C12orf42: variants seen among roughly 807,000 people sequenced by gnomAD.
C12orf42 encodes the protein chromosome 12 open reading frame 42, also known as uncharacterized protein C12orf42.
Under a neutral mutation model 21.6 loss-of-function variants are expected in C12orf42, and 25 were observed. The observed-to-expected ratio is 1.16, with a 90% CI of 0.84 to 1.62. The LOEUF (loss-of-function observed/expected upper bound fraction) is 1.62. Among genes scored for constraint, C12orf42 ranks in the 40% most tolerant of loss-of-function variants. The probability of loss-of-function intolerance (pLI) is 0.00; values close to 1 mark genes in which losing one functional copy is unlikely to be tolerated. For synonymous variants in C12orf42, 174 were observed against 175.0 expected, an observed-to-expected ratio of 0.99 and a Z score of 0.05; for missense variants, 483 against 459.3, an observed-to-expected ratio of 1.05 and a Z score of -0.47.
At chr12:103,333,138 C>T (rs2041391062) in intron 4 of C12orf42, among the ~76,000 whole-genome samples, 1 of 152,192 alleles carries the variant, frequency 6.6e-6, no homozygotes, top group South Asian at 2.1e-4. Flanking sequence ...ACCACAACCT[C>T]TAATGTTGCC....
the C12orf42 span, among the ~76,000 whole-genome samples, chr12:103,093,690 T>G: frequency 5.8e-4 from 89 of 152,294 alleles, no homozygotes; most frequent in African/African-American, 2.1e-3. Flanking sequence ...ACCAAGCCCA[T>G]GAACCGCAGG....
chr12:103,281,682 G>T (rs140114670), intron 4 of C12orf42, among the ~76,000 whole-genome samples: 1 of 152,016 alleles, frequency 6.6e-6, no homozygotes, highest in African/African-American at 2.4e-5. Context: ...TTAAGTGAGG[G>T]TCTCACTCTG....
At chr12:103,464,111 A>G (rs999277142) in intron 2 of C12orf42, among the ~76,000 whole-genome samples, 1 of 152,156 alleles carries the variant, frequency 6.6e-6, no homozygotes, top group African/African-American at 2.4e-5. Flanking sequence ...TGCTGGGTCA[A>G]ATGGTATTTC....
chr12:103,225,635 T>C, the C12orf42 span, among the ~76,000 whole-genome samples: 1 of 151,946 alleles, frequency 6.6e-6, no homozygotes, highest in Non-Finnish European at 1.5e-5. Context: ...GATAATTTAG[T>C]TAAAGTGTCT....
At chr12:103,456,226 T>G (rs1341679563) in intron 2 of C12orf42, 1 of 152,088 alleles carries the variant, frequency 6.6e-6, no homozygotes, top group Non-Finnish European at 1.5e-5. Flanking sequence ...GGGACAGAAA[T>G]GAAGCCCAAC....
At chr12:103,472,735 TA>T (rs1953728072) in intron 2 of C12orf42, among the ~76,000 whole-genome samples, 2 of 152,272 alleles carry the variant, frequency 1.3e-5, no homozygotes, top group South Asian at 4.1e-4. Context: ...CCATAGCAAT[TA>T]TAGACAAACC....
the C12orf42 span, among the ~76,000 whole-genome samples, chr12:103,047,905 G>A: frequency 2.0e-5 from 3 of 152,318 alleles, no homozygotes; most frequent in South Asian, 6.2e-4. Flanking sequence ...TTGAGGCTCA[G>A]GCTTAGAAAT....
chr12:103,355,137 C>T (rs1347645759), intron 4 of C12orf42, among the ~76,000 whole-genome samples: 1 of 152,052 alleles, frequency 6.6e-6, no homozygotes, highest in Non-Finnish European at 1.5e-5. Context: ...GAGTATTCCC[C>T]CTTTGAGAAA....
At chr12:103,394,323 T>C (rs952704507) in intron 3 of C12orf42, among the ~76,000 whole-genome samples, 1 of 152,204 alleles carries the variant, frequency 6.6e-6, no homozygotes, top group Admixed American at 6.5e-5. Flanking sequence ...AACTCACACC[T>C]GCTGAGAAAA....
the C12orf42 span, among the ~76,000 whole-genome samples, chr12:103,081,954 T>TA: frequency 1.3e-5 from 2 of 152,240 alleles, no homozygotes; most frequent in Non-Finnish European, 2.9e-5. Flanking sequence ...AACACAAATG[T>TA]ATTGTCTCTC....
chr12:103,270,614 C>T lies in C12orf42; in HGVS notation n.399-761G>A, dbSNP rs2136258436. Among the ~76,000 whole-genome samples, 3 of 148,288 alleles carry T rather than the reference C, an allele frequency of 2.0e-5. No homozygotes were observed. In the South Asian group the frequency reaches 6.3e-4, roughly 31 times the overall value. ...TTATTATACTTTAAGTTTTAGGGTA[C>T]ATGTGCACAATGTGCAGGTTAGTTA... On this transcript the variant is annotated intron_variant and non_coding_transcript_variant, in intron 5 of 6. Coordinates refer to the C12orf42 transcript ENST00000546526.
chr12:103,163,243 T>C, the C12orf42 span, among the ~76,000 whole-genome samples: 1 of 152,198 alleles, frequency 6.6e-6, no homozygotes, highest in East Asian at 1.9e-4. Context: ...AGCATCTAAA[T>C]TGGACAAATT....
chr12:103,278,948 A>G (rs2035940156), intron 4 of C12orf42, among the ~76,000 whole-genome samples: 1 of 152,188 alleles, frequency 6.6e-6, no homozygotes, highest in East Asian at 1.9e-4. Context: ...ACTGCTTTAG[A>G]TACCTTATGT....
the C12orf42 span, among the ~76,000 whole-genome samples, chr12:103,176,803 C>A: frequency 6.6e-6 from 1 of 152,164 alleles, no homozygotes; most frequent in African/African-American, 2.4e-5. Flanking sequence ...ATGGGACTCT[C>A]TCAGAACTTA....
chr12:103,413,475 TC>T (rs577404559), intron 2 of C12orf42, among the ~76,000 whole-genome samples: 1,015 of 56,836 alleles, frequency 0.018, 7 homozygotes, highest in Non-Finnish European at 0.029. Context: ...TGGTATTTAC[TC>T]TATTATTATT....
chr12:103,336,793 T>C (rs181054546), intron 4 of C12orf42, among the ~76,000 whole-genome samples: 5 of 152,230 alleles, frequency 3.3e-5, no homozygotes, highest in Non-Finnish European at 5.9e-5. Flanking sequence ...CTGGGAAAAA[T>C]AGGCAGCTTG....
the C12orf42 span, among the ~76,000 whole-genome samples, chr12:103,052,120 A>G: frequency 6.6e-6 from 1 of 152,202 alleles, no homozygotes; most frequent in East Asian, 1.9e-4. Flanking sequence ...CTTGCTTCCA[A>G]TTGTAAATTA....
the C12orf42 span, among the ~76,000 whole-genome samples, chr12:103,068,584 G>C: frequency 6.6e-6 from 1 of 151,914 alleles, no homozygotes; most frequent in Admixed American, 6.6e-5. Flanking sequence ...TAACATTTGA[G>C]TCAGTGGGCT....
the C12orf42 span, among the ~76,000 whole-genome samples, chr12:103,051,914 G>T: frequency 5.7e-3 from 866 of 152,178 alleles, 4 homozygotes; most frequent in Middle Eastern, 0.014. Flanking sequence ...ACAAAACATG[G>T]TTCTAATTTT....
Sources: allele counts gnomAD v4.1 joint callset (sites outside exome capture counted in the v4.1 genomes callset), GRCh38; gene constraint gnomAD v4.1.1; transcripts MANE v1.5; gene names NCBI Gene and HGNC (gene_info 2026-07-23, HGNC 2026-07-21).